Variants in SGIP1 observed in about 807,000 individuals in gnomAD.
SGIP1 encodes SH3GL interacting endocytic adaptor 1, also known as SH3-containing GRB2-like protein 3-interacting protein 1.
Under a neutral mutation model 107.5 loss-of-function variants are expected in SGIP1, and 38 were observed. The observed-to-expected ratio is 0.35, with a 90% CI of 0.27 to 0.46. The LOEUF is 0.46. SGIP1 is among the 20% of genes least tolerant of loss of function. SGIP1 has a pLI of 1.00. For synonymous variants in SGIP1, 365 were observed against 366.1 expected (o/e 1.00, Z 0.03); for missense variants, 929 against 1,019.5 (o/e 0.91, Z 1.21).
At chr1:66,697,946 A>G (rs2091238770) in intron 18 of SGIP1, among the ~76,000 whole-genome samples, 1 of 152,166 alleles carries the variant, frequency 6.6e-6, no homozygotes, top group Non-Finnish European at 1.5e-5. Context: ...ATTATCTTTA[A>G]TTCTTCATTC....
intron 9 of SGIP1, among the ~76,000 whole-genome samples, chr1:66,668,222 G>A (rs1367875948): frequency 3.3e-5 from 5 of 151,808 alleles, no homozygotes; most frequent in East Asian, 1.9e-4. Context: ...GACGGATCTC[G>A]CTCTGTTGCC....
At chr1:66,641,926 C>A (rs7543378) in intron 5 of SGIP1, among the ~76,000 whole-genome samples, 2 of 152,080 alleles carry the variant, frequency 1.3e-5, no homozygotes, top group Admixed American at 6.5e-5. Context: ...GCAATCCATC[C>A]TTTCAAACAT....
intron 18 of SGIP1, among the ~76,000 whole-genome samples, chr1:66,707,176 T>C (rs547378914): frequency 3.3e-5 from 5 of 152,244 alleles, no homozygotes; most frequent in African/African-American, 1.2e-4. Flanking sequence ...TGCTCCATTG[T>C]TTTCACAACT....
At chr1:66,645,045 AT>A (rs1276211264) in intron 7 of SGIP1, among the ~76,000 whole-genome samples, 1 of 152,152 alleles carries the variant, frequency 6.6e-6, no homozygotes, top group Admixed American at 6.5e-5. Context: ...ACTGAATAAT[AT>A]TTTTTACTGA....
At chr1:66,581,991 C>G (rs1044767963) in intron 1 of SGIP1, among the ~76,000 whole-genome samples, 4 of 152,068 alleles carry the variant, frequency 2.6e-5, no homozygotes, top group African/African-American at 7.2e-5. Context: ...AACTATATCT[C>G]TGAGACAAAG....
intron 19 of SGIP1, among the ~76,000 whole-genome samples, chr1:66,720,606 G>T (rs2093482754): frequency 6.6e-6 from 1 of 152,104 alleles, no homozygotes; most frequent in African/African-American, 2.4e-5. Context: ...CACACCTGCA[G>T]TCCCAGCTAC....
chr1:66,742,663 G>A (rs2094494514), intron 24 of SGIP1, among the ~76,000 whole-genome samples: 1 of 148,828 alleles, frequency 6.7e-6, no homozygotes, highest in Non-Finnish European at 1.5e-5. Flanking sequence ...TAGAGACGGG[G>A]TTTCACCGTG....
intron 7 of SGIP1, among the ~76,000 whole-genome samples, chr1:66,653,342 T>C (rs2079110331): frequency 6.6e-6 from 1 of 152,136 alleles, no homozygotes; most frequent in African/African-American, 2.4e-5. Flanking sequence ...GTTGCTTCCA[T>C]TTCCTGACAT....
intron 1 of SGIP1, among the ~76,000 whole-genome samples, chr1:66,594,066 AG>A (rs2064157238): frequency 6.6e-6 from 1 of 152,200 alleles, no homozygotes; most frequent in South Asian, 2.1e-4. Flanking sequence ...CACAACTTAA[AG>A]TTATAAAGTG....
Position 66,690,215 on chromosome 1 carries a change from A to G in SGIP1, c.1469A>G (p.His490Arg), listed in dbSNP as rs751288577. 6.2e-7 allele frequency: 1 copy of G among 1,614,118 alleles called. No homozygotes were observed. The highest frequency in any genetic ancestry group is 1.7e-5 in the Admixed American group (1 of 60,022). The change falls in exon 17 of 25, where the codon CAT (histidine) becomes CGT (arginine). Residue 490 changes from histidine to arginine, a missense_variant. By Grantham distance (29) the His-to-Arg change is conservative. Coordinates refer to ENST00000371037, the MANE Select transcript of SGIP1 (RefSeq NM_032291.4). ...DVSRPFSPPI[H>R]SSSPPPIAPL... ...TCCAGACCTTTTAGCCCTCCCATTCATTCTTCCAGCCCTCCTCCAATAGCA... is the reference window on the plus strand; with the variant it reads ...TCCAGACCTTTTAGCCCTCCCATTCGTTCTTCCAGCCCTCCTCCAATAGCA...
chr1:66,649,898 T>A (rs1349003403), intron 7 of SGIP1, among the ~76,000 whole-genome samples: 1 of 152,230 alleles, frequency 6.6e-6, no homozygotes, highest in African/African-American at 2.4e-5. Context: ...TTTTAGTTGA[T>A]GACTTTTGGT....
chr1:66,723,848 T>C (rs970695284), intron 19 of SGIP1, among the ~76,000 whole-genome samples: 1 of 152,222 alleles, frequency 6.6e-6, no homozygotes, highest in Non-Finnish European at 1.5e-5. Context: ...GTAGATAAGA[T>C]GTGCGTGAAA....
intron 1 of SGIP1, among the ~76,000 whole-genome samples, chr1:66,587,238 G>A (rs1193424978): frequency 6.6e-6 from 1 of 151,996 alleles, no homozygotes; most frequent in Non-Finnish European, 1.5e-5. Context: ...CTTGACAAAT[G>A]TAGAAAATTT....
At chr1:66,552,614 C>T (rs1005174823) in intron 1 of SGIP1, among the ~76,000 whole-genome samples, 2 of 152,106 alleles carry the variant, frequency 1.3e-5, no homozygotes, top group Admixed American at 6.5e-5. Context: ...CTTACTACTC[C>T]ACTATTTTGG....
Position 66,745,720 on chromosome 1 carries a change from G to A in SGIP1, c.*2625G>A, listed in dbSNP as rs568457669. On this transcript the variant is annotated 3_prime_UTR_variant, in exon 25 of 25. Coordinates refer to ENST00000371037, the MANE Select transcript of SGIP1 (RefSeq NM_032291.4). Reference sequence around the variant, plus strand: ...TTAACCAGAACACCATTTCCTGAACGTTATGATCTTTAAAAGGTTCTGCTT... The same window carrying A: ...TTAACCAGAACACCATTTCCTGAACATTATGATCTTTAAAAGGTTCTGCTT... 2.8e-4 allele frequency: 43 copies of A among 152,098 alleles called. No homozygotes were observed. The highest frequency in any genetic ancestry group is 7.9e-4 in the African/African-American group (33 of 41,526). The allele number at this position is 152,098 out of a possible 1,614,324, so 9.4% of individuals were successfully genotyped here. A position where few individuals can be genotyped will look rare whatever the true frequency, so the allele number is the denominator to read the frequency against.
In SGIP1 at chr1:66,702,440, A is replaced by G. The variant is rs532462417; in HGVS notation, c.1630+6947A>G. 3.9e-5 allele frequency among the ~76,000 whole-genome samples: 6 copies of G among 152,342 alleles called. No individual in the cohort carries two copies. The East Asian group carries it at 5.8e-4, about 15-fold the overall frequency. On this transcript the variant is annotated intron_variant, in intron 18 of 24. Coordinates refer to ENST00000371037, the MANE Select transcript of SGIP1 (RefSeq NM_032291.4). ...TTCTATCATTTTTAAAATGGAAAGC[A>G]TAATACCCACCTGGCAGGATAATTA...
intron 1 of SGIP1, among the ~76,000 whole-genome samples, chr1:66,561,180 A>G (rs1362976357): frequency 6.6e-6 from 1 of 152,078 alleles, no homozygotes; most frequent in Non-Finnish European, 1.5e-5. Flanking sequence ...ACAGAAATAT[A>G]ATTTTTCTCC....
At chr1:66,566,833 G>A (rs1032335401) in intron 1 of SGIP1, among the ~76,000 whole-genome samples, 3 of 151,856 alleles carry the variant, frequency 2.0e-5, no homozygotes, top group African/African-American at 7.3e-5. Flanking sequence ...CATGCATTAG[G>A]TATTTGTACT....
intron 1 of SGIP1, among the ~76,000 whole-genome samples, chr1:66,605,925 A>G (rs1248394029): frequency 6.6e-6 from 1 of 152,126 alleles, no homozygotes; most frequent in Non-Finnish European, 1.5e-5. Context: ...TTCAGCCAAG[A>G]CCACCTAACC....
Sources: allele counts gnomAD v4.1 joint callset (sites outside exome capture counted in the v4.1 genomes callset), GRCh38; gene constraint gnomAD v4.1.1; transcripts MANE v1.5; gene names NCBI Gene and HGNC (gene_info 2026-07-23, HGNC 2026-07-21).